GLIS3: variants seen among roughly 807,000 people sequenced by gnomAD.
GLIS3 encodes GLIS family zinc finger 3.
Under a neutral mutation model 78.6 loss-of-function variants are expected in GLIS3, and 53 were observed. The ratio of observed to expected loss-of-function variants is 0.67; its 90% confidence interval spans 0.54 to 0.85. The LOEUF is 0.85. Among genes scored for constraint, GLIS3 ranks in the 40% least tolerant of loss-of-function variants. The pLI is 0.00. For synonymous variants in GLIS3, 684 were observed against 509.9 expected (o/e 1.34, Z -4.60); for missense variants, 1,703 against 1,231.1 (o/e 1.38, Z -5.74).
chr9:3,875,098 C>G (rs866797810), intron 8 of GLIS3, among the ~76,000 whole-genome samples: 12 of 152,342 alleles, frequency 7.9e-5, no homozygotes, highest in African/African-American at 2.9e-4. Flanking sequence ...TCTGGTCTAA[C>G]AGACATACTA....
At chr9:3,902,464 A>T (rs1320282502) in intron 6 of GLIS3, among the ~76,000 whole-genome samples, 1 of 152,224 alleles carries the variant, frequency 6.6e-6, no homozygotes, top group Non-Finnish European at 1.5e-5. Flanking sequence ...TTGGAATAAG[A>T]AGCCCAACTA....
chr9:4,404,977 G>C, the GLIS3 span, among the ~76,000 whole-genome samples: 2 of 152,044 alleles, frequency 1.3e-5, no homozygotes, highest in Admixed American at 1.3e-4. Flanking sequence ...CCTTTAACCA[G>C]AGTAACTAGG....
intron 1 of GLIS3, among the ~76,000 whole-genome samples, chr9:4,297,261 T>C (rs1009040520): frequency 2.1e-4 from 32 of 152,150 alleles, no homozygotes; most frequent in African/African-American, 7.2e-4. Flanking sequence ...GACTTTGCAT[T>C]TGTCTTGAGG....
chr9:4,242,107 G>T (rs1355438652), intron 2 of GLIS3, among the ~76,000 whole-genome samples: 3 of 152,120 alleles, frequency 2.0e-5, no homozygotes, highest in East Asian at 3.9e-4. Flanking sequence ...AGTGTGCAGG[G>T]GTGCCCCAGG....
intron 4 of GLIS3, among the ~76,000 whole-genome samples, chr9:4,017,012 A>G (rs551093766): frequency 1.3e-5 from 2 of 152,334 alleles, no homozygotes; most frequent in African/African-American, 2.4e-5. Context: ...CAACCATTCA[A>G]TCGGCCATCA....
At chr9:3,984,438 G>A (rs1396157321) in intron 4 of GLIS3, among the ~76,000 whole-genome samples, 1 of 152,184 alleles carries the variant, frequency 6.6e-6, no homozygotes, top group African/African-American at 2.4e-5. Flanking sequence ...CGCTGGATTT[G>A]GGAATTGCAT....
chr9:4,274,901 G>C lies in GLIS3; in HGVS notation c.388+11137C>G, dbSNP rs573472404. On this transcript the variant is annotated intron_variant, in intron 2 of 10. Coordinates refer to ENST00000381971, the MANE Select transcript of GLIS3 (RefSeq NM_001042413.2). ...CTGCTGGTCCTCAAATTATACTTGA[G>C]TAGCAAGGTCCTACACCACAAGTTG... 4.8e-3 allele frequency among the ~76,000 whole-genome samples: 735 copies of C among 152,292 alleles called. 8 individuals carry two copies. The highest frequency in any genetic ancestry group is 7.3e-3 in the Non-Finnish European group (497 of 68,020).
intron 7 of GLIS3, among the ~76,000 whole-genome samples, chr9:3,896,670 T>TAATTAAAAAA (rs756694471): frequency 4.0e-5 from 2 of 50,014 alleles, no homozygotes; most frequent in African/African-American, 8.3e-5. Context: ...CCATCTCAAT[T>TAATTAAAAAA]AAAAAAAAAA....
At chr9:4,206,766 T>G (rs1241797147) in intron 2 of GLIS3, among the ~76,000 whole-genome samples, 1 of 152,230 alleles carries the variant, frequency 6.6e-6, no homozygotes, top group African/African-American at 2.4e-5. Flanking sequence ...ATCGAAACTC[T>G]GCATCAGTTT....
At chr9:4,149,856 C>T (rs557239375) in intron 2 of GLIS3, among the ~76,000 whole-genome samples, 12 of 152,162 alleles carry the variant, frequency 7.9e-5, no homozygotes, top group Admixed American at 2.0e-4. Flanking sequence ...AAGGAGATGA[C>T]GATGATGATA....
At chr9:3,928,995 A>C (rs1825434583) in intron 6 of GLIS3, among the ~76,000 whole-genome samples, 1 of 152,208 alleles carries the variant, frequency 6.6e-6, no homozygotes, top group Non-Finnish European at 1.5e-5. Context: ...AATTCTGATA[A>C]AGCTCATAGC....
At chr9:3,931,475 C>T (rs1216959692) in intron 6 of GLIS3, among the ~76,000 whole-genome samples, 1 of 152,038 alleles carries the variant, frequency 6.6e-6, no homozygotes, top group Non-Finnish European at 1.5e-5. Flanking sequence ...TTATAAAGGG[C>T]CCTCAAATGA....
chr9:4,327,969 G>A (rs1817627471), intron 2 of GLIS3, among the ~76,000 whole-genome samples: 1 of 148,856 alleles, frequency 6.7e-6, no homozygotes, highest in Admixed American at 6.7e-5. Flanking sequence ...TCGGGAAAAA[G>A]GAAAGTAGGA....
rs1818917504 is a variant in GLIS3, at chr9:3,977,848, TG to T, written c.1711-40660del. 6.6e-6 allele frequency among the ~76,000 whole-genome samples: 1 copy of T among 152,248 alleles called. No individual in the cohort carries two copies. The highest frequency in any genetic ancestry group is 1.5e-5 in the Non-Finnish European group (1 of 68,044). On this transcript the variant is annotated intron_variant, in intron 4 of 10. Transcript: ENST00000381971. The surrounding 1 kb of genome is among the most constrained non-coding windows in gnomAD (Gnocchi z 4.1). ...AGTCATCACCATTTCTACAGCAGGC[TG>T]TTGCATCCAGCTGGTGAGGAGGTCT...
chr9:4,139,182 TC>T (rs1833622128), intron 2 of GLIS3, among the ~76,000 whole-genome samples: 1 of 152,094 alleles, frequency 6.6e-6, no homozygotes, highest in Non-Finnish European at 1.5e-5. Flanking sequence ...GTTGTATATC[TC>T]TCAACCTGCT....
rs1825678886 is a variant in GLIS3 at position 3,932,448 on chromosome 9, G to A, written c.1895C>T (p.Pro632Leu). Residue 632 changes from proline to leucine, a missense_variant, in exon 6 of 11, where the codon CCA becomes CTA. Physicochemically the swap from Pro to Leu is moderately conservative, Grantham distance 98. Coordinates refer to ENST00000381971, the MANE Select transcript of GLIS3 (RefSeq NM_001042413.2). ...GTCTGTGTAGCGTTTGGTACATCCTGGAATTTGACAAGCATAAGGTTTCTA... is the reference window on the plus strand; with the variant it reads ...GTCTGTGTAGCGTTTGGTACATCCTAGAATTTGACAAGCATAAGGTTTCTA... ...LDTKPYACQIPGCTKRYTDPS... is the reference protein window; with the variant it reads ...LDTKPYACQILGCTKRYTDPS... The A allele has an allele frequency of 6.2e-7, 1 of 1,613,272 alleles. No individual in the cohort carries two copies. The highest frequency in any genetic ancestry group is 8.5e-7 in the Non-Finnish European group (1 of 1,179,378).
chr9:3,893,699 GCAGCAGCACCTGGAC>G (rs1410152561), intron 7 of GLIS3, among the ~76,000 whole-genome samples: 4 of 152,160 alleles, frequency 2.6e-5, no homozygotes, highest in South Asian at 4.1e-4. Flanking sequence ...CATTTGACCA[GCAGCAGCACCTGGAC>G]CAGCAGCACC....
At chr9:4,221,785 C>T (rs1203794720) in intron 2 of GLIS3, among the ~76,000 whole-genome samples, 1 of 152,210 alleles carries the variant, frequency 6.6e-6, no homozygotes, top group African/African-American at 2.4e-5. Flanking sequence ...AAGAAAGAGG[C>T]CACAACTTGT....
intron 2 of GLIS3, among the ~76,000 whole-genome samples, chr9:4,184,584 G>C (rs1470856130): frequency 6.6e-6 from 1 of 152,166 alleles, no homozygotes; most frequent in African/African-American, 2.4e-5. Flanking sequence ...TGATCAATGT[G>C]TTTGCTTAAA....
Sources: gnomAD v4.1 joint callset for allele counts (sites outside exome capture counted in the v4.1 genomes callset) on GRCh38, gnomAD v4.1.1 for gene constraint, Gnocchi (gnomAD v3.1) non-coding constraint, MANE v1.5 for transcripts, NCBI Gene and HGNC (gene_info 2026-07-23, HGNC 2026-07-21) for gene names.